The following RYR3 variants were observed in gnomAD, a reference collection of about 807,000 sequenced individuals.
RYR3 encodes ryanodine receptor 3, also known as brain ryanodine receptor-calcium release channel.
A neutral mutation model predicts 584.3 loss-of-function variants in RYR3; 207 were observed. The ratio of observed to expected loss-of-function variants is 0.35; its 90% CI spans 0.32 to 0.40. RYR3 has a LOEUF of 0.40. RYR3 is among the 10% of genes least tolerant of loss of function. The pLI is 1.00. For synonymous variants in RYR3, 2,416 were observed against 2,248.5 expected (o/e 1.07, Z -2.11); for missense variants, 5,616 against 6,089.2 (o/e 0.92, Z 2.59).
intron 38 of RYR3, among the ~76,000 whole-genome samples, chr15:33,672,059 C>G (rs1358762874): frequency 6.6e-6 from 1 of 152,044 alleles, no homozygotes; most frequent in Non-Finnish European, 1.5e-5. Context: ...AGCAGTCTGC[C>G]CTCCTCAGCC....
At chr15:33,548,664 G>C (rs773089814) in intron 9 of RYR3, among the ~76,000 whole-genome samples, 1 of 152,150 alleles carries the variant, frequency 6.6e-6, no homozygotes, top group Non-Finnish European at 1.5e-5. Context: ...TGAAGAAAAA[G>C]GTACTTACTA....
chr15:33,500,883 C>T (rs994008750), intron 2 of RYR3, among the ~76,000 whole-genome samples: 5 of 152,182 alleles, frequency 3.3e-5, no homozygotes, highest in African/African-American at 1.2e-4. Context: ...TGGCTCTGTG[C>T]TCCATTCATG....
intron 20 of RYR3, among the ~76,000 whole-genome samples, chr15:33,624,474 G>A (rs937817050): frequency 3.9e-5 from 6 of 152,144 alleles, no homozygotes; most frequent in Admixed American, 1.3e-4. Context: ...TGGGGAGGGA[G>A]GGTCTCCAGG....
At chr15:33,629,024 A>G (rs1463973139) in intron 21 of RYR3, among the ~76,000 whole-genome samples, 2 of 152,242 alleles carry the variant, frequency 1.3e-5, no homozygotes, top group African/African-American at 4.8e-5. Flanking sequence ...GTCTGAAGGC[A>G]GAAGGATAGG....
Position 33,663,530 on chromosome 15 carries a change from A to G in RYR3, c.5419-7A>G. ...AAAGTGTTATCTATATAATACTTTC[A>G]TTGCAGATGTGTGAGCTCCTCAGCT... On this transcript the variant is annotated splice_region_variant and splice_polypyrimidine_tract_variant and intron_variant, in intron 35 of 103. Transcript: ENST00000634891. 6.2e-7 allele frequency: 1 copy of G among 1,612,616 alleles called. No individual in the cohort carries two copies. Among genetic ancestry groups the G allele is most frequent in the South Asian group, 1.1e-5 (1 of 90,682 alleles).
intron 89 of RYR3, 100 bp downstream of exon 89, chr15:33,839,058 A>T (rs1020856232): frequency 5.0e-6 from 7 of 1,400,424 alleles, no homozygotes; most frequent in African/African-American, 2.9e-5. Flanking sequence ...AGGAGCCAAC[A>T]CTCTATGTTA....
intron 18 of RYR3, among the ~76,000 whole-genome samples, chr15:33,611,252 T>C (rs780237226): frequency 6.6e-6 from 1 of 152,062 alleles, no homozygotes; most frequent in African/African-American, 2.4e-5. Context: ...ATACCCCAGT[T>C]TGAATAAAAA....
chr15:33,806,690 T>C (rs932309063), intron 69 of RYR3, among the ~76,000 whole-genome samples: 8 of 152,072 alleles, frequency 5.3e-5, no homozygotes, highest in Admixed American at 3.9e-4. Context: ...ATCTTTTAGG[T>C]TTTTTGGTGA....
intron 102 of RYR3, 82 bp downstream of exon 102, chr15:33,861,260 GAA>G (rs1160831332): frequency 8.7e-6 from 9 of 1,035,042 alleles, no homozygotes; most frequent in African/African-American, 3.2e-5. Context: ...GTCTCTGCTG[GAA>G]AAAGAGTAAC....
At chr15:33,402,534 A>T (rs2042750127) in intron 1 of RYR3, among the ~76,000 whole-genome samples, 1 of 152,242 alleles carries the variant, frequency 6.6e-6, no homozygotes, top group African/African-American at 2.4e-5. Context: ...TTCTTTATTC[A>T]TCAGTTTAAT....
intron 2 of RYR3, among the ~76,000 whole-genome samples, chr15:33,492,464 C>CAAA (rs61324117): frequency 2.6e-4 from 38 of 145,578 alleles, no homozygotes; most frequent in African/African-American, 3.5e-4. Flanking sequence ...TCTCTCAAAG[C>CAAA]AAAAAAAAAA....
At chr15:33,340,773 C>T (rs1000584614) in intron 1 of RYR3, among the ~76,000 whole-genome samples, 8 of 152,112 alleles carry the variant, frequency 5.3e-5, no homozygotes, top group Admixed American at 3.3e-4. Context: ...AGTCACATTT[C>T]GGGTTAGGGC....
At chr15:33,739,142 CTT>C (rs1567063858) in intron 50 of RYR3, among the ~76,000 whole-genome samples, 1 of 152,220 alleles carries the variant, frequency 6.6e-6, no homozygotes, top group East Asian at 1.9e-4. Flanking sequence ...GACTCTTAGA[CTT>C]TGCTCCACTT....
At chr15:33,375,230 T>C (rs985159775) in intron 1 of RYR3, among the ~76,000 whole-genome samples, 6 of 151,392 alleles carry the variant, frequency 4.0e-5, no homozygotes, top group African/African-American at 1.5e-4. Flanking sequence ...AGTGAAATAA[T>C]ACAAAGCGCT....
At chr15:33,334,549 T>C (rs1312531231) in intron 1 of RYR3, among the ~76,000 whole-genome samples, 2 of 152,178 alleles carry the variant, frequency 1.3e-5, no homozygotes, top group African/African-American at 4.8e-5. Context: ...GATTAAATAC[T>C]TAAATGTAAA....
At chr15:33,629,536 C>G (rs1451923005) in intron 21 of RYR3, among the ~76,000 whole-genome samples, 1 of 152,218 alleles carries the variant, frequency 6.6e-6, no homozygotes, top group Non-Finnish European at 1.5e-5. Context: ...AAATGTGCTT[C>G]ACGTTTGTGG....
chr15:33,715,839 T>C (rs1405650820), intron 43 of RYR3, among the ~76,000 whole-genome samples: 3 of 152,170 alleles, frequency 2.0e-5, no homozygotes, highest in African/African-American at 7.2e-5. Flanking sequence ...ATCCCACTCA[T>C]GTGGGCAGAG....
intron 1 of RYR3, among the ~76,000 whole-genome samples, chr15:33,323,603 T>C (rs1969299761): frequency 6.6e-6 from 1 of 150,376 alleles, no homozygotes. Context: ...GTCAATTAAT[T>C]GAGAAAAAAA....
chr15:33,654,280 C>T (rs1055432934), intron 32 of RYR3, among the ~76,000 whole-genome samples: 3 of 151,860 alleles, frequency 2.0e-5, no homozygotes, highest in East Asian at 1.9e-4. Context: ...TTGGGGAGGC[C>T]GAGGCAGACA....
Sources: allele counts gnomAD v4.1 joint callset (sites outside exome capture counted in the v4.1 genomes callset), GRCh38; gene constraint gnomAD v4.1.1; transcripts MANE v1.5; gene names NCBI Gene and HGNC (gene_info 2026-07-23, HGNC 2026-07-21).